SLC17A5: variants seen among roughly 807,000 people sequenced by gnomAD.
SLC17A5 encodes the protein sialin.
SLC17A5 carries 47 observed loss-of-function variants against 59.4 expected under a neutral mutation model. The ratio of observed to expected loss-of-function variants is 0.79; its 90% CI spans 0.63 to 1.01. SLC17A5 has a LOEUF of 1.01. Ranked by LOEUF, SLC17A5 falls within the 50% of genes least tolerant of loss-of-function variation. The pLI, the probability that SLC17A5 is intolerant of heterozygous loss-of-function variation, is 0.00. For synonymous variants in SLC17A5, 202 were observed against 210.7 expected (o/e 0.96, Z 0.36); for missense variants, 522 against 595.5 (o/e 0.88, Z 1.28).
chr6:73,653,275 T>C (rs1769952756), intron 1 of SLC17A5: 2 of 985,310 alleles, frequency 2.0e-6, no homozygotes, highest in Admixed American at 1.2e-4. Flanking sequence ...CCAGGTCACA[T>C]GCTGGCGGAT....
intron 6 of SLC17A5, among the ~76,000 whole-genome samples, chr6:73,626,330 G>A (rs1434181158): frequency 1.3e-5 from 2 of 152,174 alleles, no homozygotes; most frequent in Admixed American, 1.3e-4. Context: ...GGCTCACAGG[G>A]TTAGAGGCTT....
intron 6 of SLC17A5, among the ~76,000 whole-genome samples, chr6:73,626,377 G>A (rs1396432095): frequency 1.3e-5 from 2 of 152,198 alleles, no homozygotes; most frequent in African/African-American, 4.8e-5. Flanking sequence ...TTCCAGCTTA[G>A]TGTTCATTTG....
At chr6:73,624,687 A>T (rs1209525698) in intron 6 of SLC17A5, among the ~76,000 whole-genome samples, 2 of 152,164 alleles carry the variant, frequency 1.3e-5, no homozygotes, top group Non-Finnish European at 2.9e-5. Context: ...CATCCTGGCC[A>T]ACATGGTGAA....
At chr6:73,642,976 A>G (rs1277513707) in intron 2 of SLC17A5, among the ~76,000 whole-genome samples, 1 of 152,080 alleles carries the variant, frequency 6.6e-6, no homozygotes, top group Non-Finnish European at 1.5e-5. Context: ...CCCAAATGTT[A>G]CTCAGCAACA....
chr6:73,628,605 C>A, intron 6 of SLC17A5, among the ~76,000 whole-genome samples: 1 of 102,306 alleles, frequency 9.8e-6, no homozygotes. Flanking sequence ...AAAATACATA[C>A]AGGCAAAAAA....
chr6:73,623,237 C>T (rs1703466), intron 6 of SLC17A5, among the ~76,000 whole-genome samples: 24,634 of 152,094 alleles, frequency 0.16, 3,057 homozygotes, highest in African/African-American at 0.34. Flanking sequence ...CAAGGTTTCA[C>T]TATGTTGCCC....
chr6:73,608,351 C>T (rs752942082), intron 9 of SLC17A5, among the ~76,000 whole-genome samples: 1 of 152,052 alleles, frequency 6.6e-6, no homozygotes. Flanking sequence ...AGGAAAAGAT[C>T]CTTTTCTTTC....
chr6:73,633,863 G>A (rs963796072), intron 6 of SLC17A5, among the ~76,000 whole-genome samples: 1 of 150,990 alleles, frequency 6.6e-6, no homozygotes, highest in Non-Finnish European at 1.5e-5. Flanking sequence ...CTGGGTGAGA[G>A]AGCGAAACTC....
chr6:73,604,182 G>A (rs986739718), intron 9 of SLC17A5, among the ~76,000 whole-genome samples: 1 of 151,814 alleles, frequency 6.6e-6, no homozygotes, highest in African/African-American at 2.4e-5. Context: ...AGTAAGAGGA[G>A]TCAACTGCAA....
intron 6 of SLC17A5, among the ~76,000 whole-genome samples, chr6:73,631,447 T>C (rs1483082235): frequency 6.7e-6 from 1 of 150,200 alleles, no homozygotes; most frequent in East Asian, 1.9e-4. Flanking sequence ...CATAGAATTA[T>C]CAAATCCAGA....
chr6:73,633,372 A>AGG (rs1409013933), intron 6 of SLC17A5, among the ~76,000 whole-genome samples: 2 of 151,862 alleles, frequency 1.3e-5, no homozygotes, highest in Non-Finnish European at 2.9e-5. Context: ...CAAAATAAAA[A>AGG]ACTTAAAAAG....
At chr6:73,637,272 G>A (rs1230004345) in intron 4 of SLC17A5, among the ~76,000 whole-genome samples, 2 of 152,178 alleles carry the variant, frequency 1.3e-5, no homozygotes, top group African/African-American at 4.8e-5. Context: ...CAGTTACTGA[G>A]TACCTACTCC....
At chr6:73,616,853 C>T (rs907752071) in intron 7 of SLC17A5, among the ~76,000 whole-genome samples, 2 of 152,044 alleles carry the variant, frequency 1.3e-5, no homozygotes, top group Admixed American at 6.6e-5. Flanking sequence ...GTGATCTGGC[C>T]GCCTCAGCCT....
chr6:73,653,312 C>T (rs1769956660), intron 1 of SLC17A5: 1 of 985,346 alleles, frequency 1.0e-6, no homozygotes, highest in Non-Finnish European at 1.2e-6. Context: ...CTAGCGGTGA[C>T]AGGGAAGGAC....
chr6:73,603,958 G>A (rs1767281150), intron 9 of SLC17A5, among the ~76,000 whole-genome samples: 1 of 151,836 alleles, frequency 6.6e-6, no homozygotes, highest in African/African-American at 2.4e-5. Context: ...GGAGAAGGAG[G>A]AGTTCAGTTA....
chr6:73,630,227 A>AGG (rs1768635288), intron 6 of SLC17A5, among the ~76,000 whole-genome samples: 1 of 152,102 alleles, frequency 6.6e-6, no homozygotes, highest in South Asian at 2.1e-4. Flanking sequence ...TCCTGACCTC[A>AGG]TGATCCGCCT....
chr6:73,605,401 G>A (rs557585822), intron 9 of SLC17A5, among the ~76,000 whole-genome samples: 25 of 152,104 alleles, frequency 1.6e-4, no homozygotes, highest in Middle Eastern at 3.4e-3. Flanking sequence ...AACTAGTAGC[G>A]TATTACACTG....
At chr6:73,609,939 A>G (rs1767572650) in intron 9 of SLC17A5, among the ~76,000 whole-genome samples, 1 of 152,082 alleles carries the variant, frequency 6.6e-6, no homozygotes, top group Non-Finnish European at 1.5e-5. Flanking sequence ...ATTGCTCTAG[A>G]GATTGTTGGT....
intron 3 of SLC17A5, among the ~76,000 whole-genome samples, chr6:73,639,810 C>T (rs924654050): frequency 3.9e-5 from 6 of 152,148 alleles, no homozygotes; most frequent in Non-Finnish European, 7.3e-5. Context: ...CTTTGGGAGG[C>T]GGAGGCAGGT....
Sources: gnomAD v4.1 joint callset for allele counts (sites outside exome capture counted in the v4.1 genomes callset) on GRCh38, gnomAD v4.1.1 for gene constraint, MANE v1.5 for transcripts, NCBI Gene and HGNC (gene_info 2026-07-23, HGNC 2026-07-21) for gene names.